The following GABRA2 variants were observed in gnomAD, a reference collection of about 807,000 sequenced individuals.
The protein encoded by GABRA2 is gamma-aminobutyric acid receptor subunit alpha-2.
In GABRA2, 16 loss-of-function variants were observed where a neutral mutation model predicts 48.7. The ratio of observed to expected loss-of-function variants is 0.33; its 90% confidence interval spans 0.22 to 0.50. GABRA2 has a LOEUF of 0.50. Among genes scored for constraint, GABRA2 ranks in the 20% least tolerant of loss-of-function variants. The probability of loss-of-function intolerance (pLI) is 0.98; values close to 1 mark genes in which losing one functional copy is unlikely to be tolerated. For synonymous variants in GABRA2, 185 were observed against 184.5 expected, an observed-to-expected ratio of 1.00 and a Z score of -0.02; for missense variants, 275 against 535.6, an observed-to-expected ratio of 0.51 and a Z score of 4.80.
chr4:46,252,880 A>G (rs1454109072), intron 9 of GABRA2, among the ~76,000 whole-genome samples: 1 of 151,498 alleles, frequency 6.6e-6, no homozygotes, highest in Non-Finnish European at 1.5e-5. Flanking sequence ...TAATGATACT[A>G]AAGGTATATC....
intron 3 of GABRA2, among the ~76,000 whole-genome samples, chr4:46,382,193 C>CAT (rs71652883): frequency 0.22 from 32,199 of 148,196 alleles, 3,560 homozygotes; most frequent in Middle Eastern, 0.26. Context: ...CACACACACA[C>CAT]ATATATATAT....
At chr4:46,262,410 T>A (rs1717165770) in intron 8 of GABRA2, among the ~76,000 whole-genome samples, 1 of 152,076 alleles carries the variant, frequency 6.6e-6, no homozygotes, top group Non-Finnish European at 1.5e-5. Context: ...ACTGTTGAAG[T>A]TAAAAAGACT....
At chr4:46,370,555 CAT>C (rs764769347) in intron 3 of GABRA2, among the ~76,000 whole-genome samples, 2 of 152,108 alleles carry the variant, frequency 1.3e-5, no homozygotes, top group African/African-American at 2.4e-5. Flanking sequence ...GATTTAGAAA[CAT>C]AAACAGCTGA....
chr4:46,345,874 C>T (rs1202178080), intron 3 of GABRA2, among the ~76,000 whole-genome samples: 1 of 151,974 alleles, frequency 6.6e-6, no homozygotes, highest in East Asian at 1.9e-4. Context: ...ATAAGTTATA[C>T]TGTCTTCATC....
chr4:46,377,782 C>G (rs1322071397), intron 3 of GABRA2, among the ~76,000 whole-genome samples: 1 of 140,690 alleles, frequency 7.1e-6, no homozygotes, highest in Non-Finnish European at 1.6e-5. Flanking sequence ...AAGTGAGGGG[C>G]GCCTCTGCCC....
intron 3 of GABRA2, among the ~76,000 whole-genome samples, chr4:46,373,550 T>C (rs949459522): frequency 6.6e-6 from 1 of 152,166 alleles, no homozygotes; most frequent in African/African-American, 2.4e-5. Context: ...TTATTACTAA[T>C]AATATGGTTC....
At chr4:46,343,076 C>T (rs975448988) in intron 3 of GABRA2, among the ~76,000 whole-genome samples, 2 of 151,958 alleles carry the variant, frequency 1.3e-5, no homozygotes, top group East Asian at 3.9e-4. Flanking sequence ...CACTGTCTTC[C>T]GATAAGCCTG....
In GABRA2 at chr4:46,249,966, A is replaced by G; in HGVS notation, c.*342T>C. The G allele has an allele frequency of 5.2e-6, 1 of 193,962 alleles. No homozygotes were observed. The highest frequency in any genetic ancestry group is 1.3e-4 in the South Asian group (1 of 7,536). 12.0% of individuals were successfully genotyped at this position (193,962 alleles called of 1,614,324 possible). A position where few individuals can be genotyped will look rare whatever the true frequency, so the allele number is the denominator to read the frequency against. ...ACAGTAGAAAATACCCCTACTTAAG[A>G]GCTAAACCAAAAGGGTCCACAAAGG... is the stretch of plus-strand genomic sequence containing the variant. On this transcript the variant is annotated 3_prime_UTR_variant, in exon 10 of 10. Coordinates refer to ENST00000381620, the MANE Select transcript of GABRA2 (RefSeq NM_000807.4).
At chr4:46,291,776 C>CACACATAT (rs1553906974) in intron 8 of GABRA2, among the ~76,000 whole-genome samples, 1 of 144,806 alleles carries the variant, frequency 6.9e-6, no homozygotes, top group Admixed American at 7.0e-5. Flanking sequence ...TAAACACACA[C>CACACATAT]ATATATATAT....
At chr4:46,294,685 C>A (rs1463735314) in intron 8 of GABRA2, among the ~76,000 whole-genome samples, 1 of 152,176 alleles carries the variant, frequency 6.6e-6, no homozygotes, top group Admixed American at 6.5e-5. Flanking sequence ...ATAGGTGAAC[C>A]CCAATGGACA....
intron 3 of GABRA2, among the ~76,000 whole-genome samples, chr4:46,350,880 C>A (rs1289475882): frequency 6.6e-6 from 1 of 151,514 alleles, no homozygotes; most frequent in Non-Finnish European, 1.5e-5. Flanking sequence ...GTGCATAAAT[C>A]ATAAAAATAA....
At chr4:46,309,310 A>T in intron 6 of GABRA2, among the ~76,000 whole-genome samples, 1 of 152,114 alleles carries the variant, frequency 6.6e-6, no homozygotes, top group East Asian at 1.9e-4. Flanking sequence ...ACTATTCAGC[A>T]ATACATAGTT....
At chr4:46,272,731 A>G (rs1486322675) in intron 8 of GABRA2, among the ~76,000 whole-genome samples, 1 of 151,950 alleles carries the variant, frequency 6.6e-6, no homozygotes, top group African/African-American at 2.4e-5. Flanking sequence ...GAACATGGTG[A>G]AGCCCAGGGC....
At chr4:46,297,007 A>T (rs919022093) in intron 8 of GABRA2, among the ~76,000 whole-genome samples, 4 of 152,030 alleles carry the variant, frequency 2.6e-5, no homozygotes, top group African/African-American at 9.7e-5. Flanking sequence ...TGTAATTATG[A>T]CCTTATTATT....
intron 2 of GABRA2, among the ~76,000 whole-genome samples, chr4:46,387,679 G>A (rs1187774307): frequency 2.0e-5 from 3 of 152,036 alleles, no homozygotes; most frequent in African/African-American, 7.2e-5. Flanking sequence ...TAAATTAGTA[G>A]ATATTTTCCA....
intron 4 of GABRA2, among the ~76,000 whole-genome samples, chr4:46,322,590 T>C (rs2109758280): frequency 6.6e-6 from 1 of 152,088 alleles, no homozygotes; most frequent in South Asian, 2.1e-4. Context: ...CTCTATCCCC[T>C]CCCTATATCT....
At chr4:46,341,459 G>A (rs945570242) in intron 3 of GABRA2, among the ~76,000 whole-genome samples, 1 of 151,978 alleles carries the variant, frequency 6.6e-6, no homozygotes, top group Non-Finnish European at 1.5e-5. Context: ...TTTTTGTTTA[G>A]TGACTTTATA....
intron 8 of GABRA2, among the ~76,000 whole-genome samples, chr4:46,282,322 A>T (rs1721686075): frequency 6.6e-6 from 1 of 152,190 alleles, no homozygotes. Flanking sequence ...AGGGAAGAGC[A>T]TGTGTCCTAT....
intron 8 of GABRA2, among the ~76,000 whole-genome samples, chr4:46,302,935 T>G (rs1222305833): frequency 6.6e-6 from 1 of 152,144 alleles, no homozygotes; most frequent in African/African-American, 2.4e-5. Flanking sequence ...TTATAAACTT[T>G]CCCCCAACTT....
Sources: allele counts gnomAD v4.1 joint callset (sites outside exome capture counted in the v4.1 genomes callset), GRCh38; gene constraint gnomAD v4.1.1; transcripts MANE v1.5; gene names NCBI Gene and HGNC (gene_info 2026-07-23, HGNC 2026-07-21).